PTPRK: variants seen among roughly 807,000 people sequenced by gnomAD.
The protein encoded by PTPRK is receptor-type tyrosine-protein phosphatase kappa.
PTPRK carries 75 observed loss-of-function variants against 178.0 expected under a neutral mutation model. The ratio of observed to expected loss-of-function variants is 0.42; its 90% CI spans 0.35 to 0.51. The LOEUF (loss-of-function observed/expected upper bound fraction) is 0.51, where lower values mean the gene tolerates loss of function less well. Ranked by LOEUF, PTPRK falls within the 20% of genes least tolerant of loss-of-function variation. The probability of loss-of-function intolerance (pLI) is 0.02; values close to 1 mark genes in which losing one functional copy is unlikely to be tolerated. For missense variants in PTPRK, 1,441 were observed against 1,797.8 expected (o/e 0.80, Z 3.59); for synonymous variants, 637 against 620.6 (o/e 1.03, Z -0.39).
At chr6:128,502,508 A>G (rs1406127280) in intron 1 of PTPRK, among the ~76,000 whole-genome samples, 1 of 152,164 alleles carries the variant, frequency 6.6e-6, no homozygotes, top group Non-Finnish European at 1.5e-5. Context: ...GAAAGATCCC[A>G]TAATTAAAGA....
intron 13 of PTPRK, among the ~76,000 whole-genome samples, chr6:128,057,508 C>T (rs1295005388): frequency 6.6e-6 from 1 of 152,146 alleles, no homozygotes; most frequent in African/African-American, 2.4e-5. Flanking sequence ...TGACCAGTTC[C>T]CACTAAAAAC....
In PTPRK at chr6:128,184,585, A is replaced by T. The variant is rs147847281; in HGVS notation, c.1009T>A (p.Trp337Arg). The change falls in exon 7 of 30, where the codon TGG becomes AGG. Residue 337 changes from tryptophan to arginine, a missense_variant. Trp to Arg is a moderately radical substitution (Grantham distance 101). Coordinates refer to ENST00000368226, the MANE Select transcript of PTPRK (RefSeq NM_002844.4). ...GCATTGACTGCATGGGTTTCTGTCCAGGATCCTGATGTCATTCGGTACTCT... is the reference window on the plus strand; with the variant it reads ...GCATTGACTGCATGGGTTTCTGTCCTGGATCCTGATGTCATTCGGTACTCT... ...EVEYRMTSGS[W>R]TETHAVNAPT... The T allele has an allele frequency of 6.2e-7, 1 of 1,614,050 alleles. No homozygotes were observed. The highest frequency in any genetic ancestry group is 8.5e-7 in the Non-Finnish European group (1 of 1,179,944).
In PTPRK at chr6:127,982,893, A is replaced by G; in HGVS notation, c.3475T>C (p.Tyr1159His). Residue 1159 changes from tyrosine (Y) to histidine (H), a missense_variant, in exon 24 of 30, where the codon TAT becomes CAT. Tyr to His is a moderately conservative substitution (Grantham distance 83). Coordinates refer to ENST00000368226, the MANE Select transcript of PTPRK (RefSeq NM_002844.4). ...AIPVCEFKAA[Y>H]FDMIRIDSQT... ...GAGTCTATTCTAATCATATCAAAAT[A>G]TGCAGCTTTAAATTCACAGACAGGT... The G allele has an allele frequency of 6.2e-7, 1 of 1,612,500 alleles. No homozygotes were observed. Among genetic ancestry groups the G allele is most frequent in the Non-Finnish European group, 8.5e-7 (1 of 1,178,682 alleles).
chr6:128,236,347 T>C (rs1170770198), intron 5 of PTPRK, among the ~76,000 whole-genome samples: 6 of 143,298 alleles, frequency 4.2e-5, no homozygotes, highest in Non-Finnish European at 7.7e-5. Flanking sequence ...AAATTTCTTT[T>C]TTTTTTTTTT....
At chr6:128,000,334 G>T in intron 15 of PTPRK, 1 of 1,278,836 alleles carries the variant, frequency 7.8e-7, no homozygotes, top group Admixed American at 2.7e-5. Flanking sequence ...TTTCTTCCTG[G>T]AGAAGGGAAA....
At position 128,520,304 on chromosome 6, in the gene PTPRK, A is replaced by AGAG. The variant is rs769365967; in HGVS notation, c.52_54dup (p.Leu18dup). The AGAG allele has an allele frequency of 3.7e-6, 6 of 1,610,276 alleles. No homozygotes were observed. The highest frequency in any genetic ancestry group is 5.1e-6 in the Non-Finnish European group (6 of 1,178,316). Reference sequence around the variant, plus strand: ...GCCGATCCCAGGAGAGGCCAAGGAGAGAGGAGCAAGAGCGCCACAAAAGCA... The same window carrying AGAG: ...GCCGATCCCAGGAGAGGCCAAGGAGAGAGGAGGAGCAAGAGCGCCACAAAAGCA... On this transcript the variant is annotated inframe_insertion, in exon 1 of 30. Transcript: ENST00000368226.
intron 8 of PTPRK, among the ~76,000 whole-genome samples, chr6:128,087,911 G>A (rs1786201559): frequency 6.6e-6 from 1 of 152,138 alleles, no homozygotes; most frequent in African/African-American, 2.4e-5. Flanking sequence ...CACTTTCAGA[G>A]TGGGAGAGTT....
intron 3 of PTPRK, among the ~76,000 whole-genome samples, chr6:128,248,144 C>T (rs1281544811): frequency 6.6e-6 from 1 of 152,176 alleles, no homozygotes; most frequent in Non-Finnish European, 1.5e-5. Flanking sequence ...CAGTAAAGCA[C>T]ATGTATCTTT....
intron 14 of PTPRK, among the ~76,000 whole-genome samples, chr6:128,005,450 A>G (rs1330887990): frequency 6.6e-6 from 1 of 151,588 alleles, no homozygotes; most frequent in Non-Finnish European, 1.5e-5. Context: ...TGTCAGATGC[A>G]TATTTCAATA....
At chr6:128,099,743 G>T (rs1263013409) in intron 7 of PTPRK, among the ~76,000 whole-genome samples, 2 of 152,008 alleles carry the variant, frequency 1.3e-5, no homozygotes, top group Non-Finnish European at 2.9e-5. Flanking sequence ...GGACTGCAGG[G>T]TTGATGATTA....
At chr6:128,294,856 A>G (rs1053613730) in intron 3 of PTPRK, among the ~76,000 whole-genome samples, 2 of 152,112 alleles carry the variant, frequency 1.3e-5, no homozygotes, top group African/African-American at 4.8e-5. Flanking sequence ...TAACTTATGA[A>G]TGTAGACATA....
intron 6 of PTPRK, among the ~76,000 whole-genome samples, chr6:128,208,294 C>A (rs1455615040): frequency 7.8e-5 from 11 of 140,556 alleles, no homozygotes; most frequent in South Asian, 6.5e-4. Context: ...AAGTCCTACA[C>A]CCTCAAAAAA....
rs563326677 is a variant in PTPRK, at chr6:128,474,028, T to C, written c.100+46231A>G. ...AGATCTTCATGCAATAACCACTGTCTTAGGCTCGAGAAATAATAAAACAAG... is the reference window on the plus strand; with the variant it reads ...AGATCTTCATGCAATAACCACTGTCCTAGGCTCGAGAAATAATAAAACAAG... On this transcript the variant is annotated intron_variant, in intron 1 of 29. Transcript: ENST00000368226. 9.2e-5 allele frequency among the ~76,000 whole-genome samples: 14 copies of C among 152,208 alleles called. No homozygotes were observed. In the East Asian group the frequency reaches 2.1e-3, roughly 23 times the overall value.
At chr6:128,281,567 T>C (rs1821678955) in intron 3 of PTPRK, among the ~76,000 whole-genome samples, 1 of 152,142 alleles carries the variant, frequency 6.6e-6, no homozygotes, top group South Asian at 2.1e-4. Context: ...CCCCTATGCC[T>C]GGCACTCAGT....
At chr6:128,149,034 C>A (rs895523313) in intron 7 of PTPRK, among the ~76,000 whole-genome samples, 2 of 151,788 alleles carry the variant, frequency 1.3e-5, no homozygotes, top group Non-Finnish European at 2.9e-5. Context: ...ATGACTGATA[C>A]ATTTTAATCA....
At chr6:128,289,022 A>C (rs1822957703) in intron 3 of PTPRK, among the ~76,000 whole-genome samples, 1 of 152,070 alleles carries the variant, frequency 6.6e-6, no homozygotes, top group South Asian at 2.1e-4. Flanking sequence ...TATGGTCACT[A>C]TGGCTACAGC....
chr6:128,457,958 C>T (rs1004100360), intron 1 of PTPRK, among the ~76,000 whole-genome samples: 7 of 152,130 alleles, frequency 4.6e-5, no homozygotes, highest in African/African-American at 1.7e-4. Context: ...AACCACAGTA[C>T]TATTAATGTT....
chr6:128,166,856 T>C (rs1238598342), intron 7 of PTPRK, among the ~76,000 whole-genome samples: 1 of 151,766 alleles, frequency 6.6e-6, no homozygotes, highest in Non-Finnish European at 1.5e-5. Flanking sequence ...AAATTACACA[T>C]ATATCCCTAT....
chr6:128,238,245 T>G (rs374101595), intron 5 of PTPRK: 1 of 355,024 alleles, frequency 2.8e-6, no homozygotes, highest in Admixed American at 4.2e-5. Flanking sequence ...GAAAGCAACA[T>G]AGAAGTTTCA....
Sources: gnomAD v4.1 joint callset for allele counts (sites outside exome capture counted in the v4.1 genomes callset) on GRCh38, gnomAD v4.1.1 for gene constraint, MANE v1.5 for transcripts, NCBI Gene and HGNC (gene_info 2026-07-23, HGNC 2026-07-21) for gene names.